The following DLG2 variants were observed in gnomAD, a reference collection of about 807,000 sequenced individuals.
DLG2 encodes disks large homolog 2.
In DLG2, 45 loss-of-function variants were observed where a neutral mutation model predicts 132.5. That is an observed-to-expected ratio of 0.34 (90% CI 0.27 to 0.44). The LOEUF (loss-of-function observed/expected upper bound fraction) is 0.44, where lower values mean the gene tolerates loss of function less well. DLG2 is among the 20% of genes least tolerant of loss of function. DLG2 has a pLI of 1.00. For synonymous variants in DLG2, 424 were observed against 419.6 expected (o/e 1.01, Z -0.13); for missense variants, 1,045 against 1,196.9 (o/e 0.87, Z 1.87).
chr11:83,698,106 A>G (rs1177809673), intron 18 of DLG2, among the ~76,000 whole-genome samples: 1 of 152,256 alleles, frequency 6.6e-6, no homozygotes, highest in Non-Finnish European at 1.5e-5. Context: ...AATGAAGACT[A>G]TGATGAATAA....
chr11:84,191,908 A>G (rs2096415085), intron 8 of DLG2, among the ~76,000 whole-genome samples: 1 of 152,038 alleles, frequency 6.6e-6, no homozygotes. Context: ...TGCTGCTGAA[A>G]CTTAAAAAAA....
At chr11:84,335,160 CAA>C (rs58944265) in intron 7 of DLG2, among the ~76,000 whole-genome samples, 2,055 of 62,608 alleles carry the variant, frequency 0.033, 79 homozygotes, top group South Asian at 0.21. Flanking sequence ...ATAAAGAAAG[CAA>C]AAAAAAAAAA....
intron 3 of DLG2, among the ~76,000 whole-genome samples, chr11:85,524,549 G>T (rs1242184882): frequency 2.0e-5 from 3 of 152,118 alleles, no homozygotes; most frequent in Admixed American, 2.0e-4. Flanking sequence ...GTGGAATGCA[G>T]TGGCATGATC....
chr11:83,646,146 G>C (rs1170892212), intron 18 of DLG2, among the ~76,000 whole-genome samples: 1 of 152,036 alleles, frequency 6.6e-6, no homozygotes, highest in Non-Finnish European at 1.5e-5. Context: ...GAAACAGCAG[G>C]TTTCTATTTG....
Position 85,582,660 on chromosome 11 carries a change from C to CAAAAAAA in DLG2, c.40+15990_40+15996dup, listed in dbSNP as rs59452629. On this transcript the variant is annotated intron_variant, in intron 3 of 27. Coordinates refer to ENST00000376104, the MANE Select transcript of DLG2 (RefSeq NM_001142699.3). Reference sequence around the variant, plus strand: ...GCAACATGGTGAAACCCCATCTCTACAAAAAAAAAAAAAAAAAAAAAAAAA... The same window carrying CAAAAAAA: ...GCAACATGGTGAAACCCCATCTCTACAAAAAAAAAAAAAAAAAAAAAAAAAAAAAAAA... 7.6e-3 allele frequency among the ~76,000 whole-genome samples: 207 copies of CAAAAAAA among 27,134 alleles called. 69 individuals are homozygous for CAAAAAAA. Among genetic ancestry groups the CAAAAAAA allele is most frequent in the Non-Finnish European group, 0.01 (142 of 13,816 alleles). 17.8% of individuals were successfully genotyped at this position (27,134 alleles called of 152,430 possible). A position where few individuals can be genotyped will look rare whatever the true frequency, so the allele number is the denominator to read the frequency against.
At chr11:85,496,706 C>T (rs1033798608) in intron 3 of DLG2, among the ~76,000 whole-genome samples, 2 of 152,128 alleles carry the variant, frequency 1.3e-5, no homozygotes, top group Non-Finnish European at 2.9e-5. Flanking sequence ...GTGCCCCTCT[C>T]AGATGAAGCT....
At chr11:84,700,885 C>A (rs2059154035) in intron 6 of DLG2, among the ~76,000 whole-genome samples, 1 of 151,656 alleles carries the variant, frequency 6.6e-6, no homozygotes, top group Non-Finnish European at 1.5e-5. Context: ...TTGCAGTGAG[C>A]CACTGAGGGA....
intron 7 of DLG2, among the ~76,000 whole-genome samples, chr11:84,431,616 C>A (rs2098984943): frequency 6.6e-6 from 1 of 151,924 alleles, no homozygotes. Flanking sequence ...GTCTGACTGG[C>A]ACAAGTCAAA....
At chr11:84,648,747 TTCTC>T (rs1266836918) in intron 6 of DLG2, among the ~76,000 whole-genome samples, 1 of 149,136 alleles carries the variant, frequency 6.7e-6, no homozygotes, top group East Asian at 2.0e-4. Flanking sequence ...CTCTCTCTCC[TTCTC>T]TCTCTCTCTA....
chr11:85,112,174 G>T (rs968279459), intron 5 of DLG2, among the ~76,000 whole-genome samples: 1 of 152,050 alleles, frequency 6.6e-6, no homozygotes, highest in African/African-American at 2.4e-5. Flanking sequence ...ATTCTCTCTA[G>T]AGTGTTTCAT....
intron 21 of DLG2, among the ~76,000 whole-genome samples, chr11:83,529,189 C>T (rs543402168): frequency 6.6e-6 from 1 of 152,212 alleles, no homozygotes; most frequent in East Asian, 1.9e-4. Context: ...CAATTTTCCT[C>T]CTCACTTTAT....
At chr11:85,010,617 G>A (rs537581551) in intron 6 of DLG2, among the ~76,000 whole-genome samples, 1 of 152,256 alleles carries the variant, frequency 6.6e-6, no homozygotes, top group Admixed American at 6.5e-5. Flanking sequence ...CAAAGGGACA[G>A]TGATTTAGGT....
At chr11:85,222,604 G>C (rs964524815) in intron 4 of DLG2, among the ~76,000 whole-genome samples, 8 of 152,120 alleles carry the variant, frequency 5.3e-5, no homozygotes, top group Non-Finnish European at 1.0e-4. Context: ...AGGTTAATTG[G>C]ACCAAGGTCC....
At chr11:85,342,410 C>T (rs1349574786) in intron 3 of DLG2, among the ~76,000 whole-genome samples, 1 of 152,146 alleles carries the variant, frequency 6.6e-6, no homozygotes, top group African/African-American at 2.4e-5. Context: ...TCACTGTCTT[C>T]CACCTGCATA....
In DLG2 at chr11:84,302,523, G is replaced by C. The variant is rs150816291; in HGVS notation, c.520-51232C>G. 5.6e-3 allele frequency among the ~76,000 whole-genome samples: 850 copies of C among 152,158 alleles called. 10 individuals carry two copies. Among genetic ancestry groups the C allele is most frequent in the African/African-American group, 0.02 (817 of 41,518 alleles). ...CAAGTTTAGCTAGATCTGTGAGCACGTGTCAATAAAATTTGTATCTTTCAC... is the reference window on the plus strand; with the variant it reads ...CAAGTTTAGCTAGATCTGTGAGCACCTGTCAATAAAATTTGTATCTTTCAC... On this transcript the variant is annotated intron_variant, in intron 7 of 27. Coordinates refer to ENST00000376104, the MANE Select transcript of DLG2 (RefSeq NM_001142699.3).
chr11:84,770,697 G>A (rs192581551), intron 6 of DLG2, among the ~76,000 whole-genome samples: 227 of 150,900 alleles, frequency 1.5e-3, no homozygotes, highest in Middle Eastern at 3.4e-3. Flanking sequence ...CTGGAGTGCG[G>A]TGCAGTGGCA....
intron 18 of DLG2, among the ~76,000 whole-genome samples, chr11:83,702,659 T>A (rs1170466051): frequency 6.6e-6 from 1 of 152,208 alleles, no homozygotes; most frequent in Non-Finnish European, 1.5e-5. Flanking sequence ...AAGCTCTAAT[T>A]CCTGTGTGTT....
At chr11:83,503,408 T>TA (rs1293417489) in intron 21 of DLG2, among the ~76,000 whole-genome samples, 1 of 71,186 alleles carries the variant, frequency 1.4e-5, no homozygotes, top group Non-Finnish European at 2.9e-5. Flanking sequence ...TATATATATA[T>TA]ATATATATAT....
Position 84,947,050 on chromosome 11 carries a change from C to T in DLG2, c.357+164611G>A, listed in dbSNP as rs561571254. ...ATCACTTTGCTCTCCCTCTCCCAAGCACACAGATTCTATGTGCCATGCGGC... is the reference window on the plus strand; with the variant it reads ...ATCACTTTGCTCTCCCTCTCCCAAGTACACAGATTCTATGTGCCATGCGGC... On this transcript the variant is annotated intron_variant, in intron 6 of 27. Coordinates refer to ENST00000376104, the MANE Select transcript of DLG2 (RefSeq NM_001142699.3). Among the ~76,000 whole-genome samples, 4 of 152,316 alleles carry T rather than the reference C, an allele frequency of 2.6e-5. No homozygotes were observed. In the South Asian group the frequency reaches 8.3e-4, roughly 32 times the overall value.
Sources: allele counts gnomAD v4.1 joint callset (sites outside exome capture counted in the v4.1 genomes callset), GRCh38; gene constraint gnomAD v4.1.1; transcripts MANE v1.5; gene names NCBI Gene and HGNC (gene_info 2026-07-23, HGNC 2026-07-21).